CNTN5: variants seen among roughly 807,000 people sequenced by gnomAD.
The protein encoded by CNTN5 is contactin 5.
A neutral mutation model predicts 129.1 loss-of-function variants in CNTN5; 77 were observed. The ratio of observed to expected loss-of-function variants is 0.60; its 90% confidence interval spans 0.50 to 0.72. CNTN5 has a LOEUF of 0.72. Among genes scored for constraint, CNTN5 ranks in the 30% least tolerant of loss-of-function variants. The probability of loss-of-function intolerance (pLI) is 0.00; values close to 1 mark genes in which losing one functional copy is unlikely to be tolerated. For synonymous variants in CNTN5, 509 were observed against 465.6 expected, an observed-to-expected ratio of 1.09 and a Z score of -1.20; for missense variants, 1,478 against 1,328.8, an observed-to-expected ratio of 1.11 and a Z score of -1.75.
chr11:99,476,911 C>T (rs10893389), intron 2 of CNTN5, among the ~76,000 whole-genome samples: 33,982 of 151,642 alleles, frequency 0.22, 4,043 homozygotes, highest in Admixed American at 0.33. Flanking sequence ...TATCTCTTCC[C>T]GTTTCCTAAG....
chr11:100,093,514 A>G (rs1565233623), intron 13 of CNTN5, among the ~76,000 whole-genome samples: 1 of 151,904 alleles, frequency 6.6e-6, no homozygotes, highest in African/African-American at 2.4e-5. Context: ...TGGTTCTCCC[A>G]CTTCAACCTC....
chr11:99,761,463 T>C (rs1160739001), intron 3 of CNTN5, among the ~76,000 whole-genome samples: 1 of 151,998 alleles, frequency 6.6e-6, no homozygotes, highest in Non-Finnish European at 1.5e-5. Flanking sequence ...CCCCTTCGTG[T>C]GTCCATGTGG....
chr11:99,851,277 G>A (rs1947865755), intron 6 of CNTN5, among the ~76,000 whole-genome samples: 1 of 152,088 alleles, frequency 6.6e-6, no homozygotes, highest in East Asian at 1.9e-4. Context: ...TAATGAACTG[G>A]TTTTTAAGGT....
At chr11:99,510,240 T>C (rs1204460736) in intron 2 of CNTN5, among the ~76,000 whole-genome samples, 3 of 152,006 alleles carry the variant, frequency 2.0e-5, no homozygotes, top group Non-Finnish European at 4.4e-5. Flanking sequence ...TACAACCAAG[T>C]AAATGAAACA....
Position 100,193,570 on chromosome 11 carries a change from C to T in CNTN5, c.1791C>T (p.His597=), listed in dbSNP as rs200842353. 34 of 1,611,008 alleles carry T rather than the reference C, an allele frequency of 2.1e-5. No individual in the cohort carries two copies. In the South Asian group the frequency reaches 2.3e-4, roughly 11 times the overall value. The change falls in exon 15 of 25, where the codon CAC becomes CAT. Residue 597 remains histidine (H), a synonymous_variant. Coordinates refer to ENST00000524871, the MANE Select transcript of CNTN5 (RefSeq NM_014361.4). ...TTGTCCTTAATTGCAAAGCAATTCA[C>T]GATGCTAGTTTGGATGTCACTTTCT... ...ESIVLNCKAI[H]DASLDVTFYW...
chr11:99,066,184 AC>A (rs1865095181), intron 1 of CNTN5, among the ~76,000 whole-genome samples: 1 of 152,130 alleles, frequency 6.6e-6, no homozygotes, highest in South Asian at 2.1e-4. Flanking sequence ...GCTCACTGCA[AC>A]CTTCGCCTCC....
chr11:99,861,272 T>C (rs1948199297), intron 6 of CNTN5, among the ~76,000 whole-genome samples: 1 of 152,162 alleles, frequency 6.6e-6, no homozygotes, highest in South Asian at 2.1e-4. Context: ...TTTGTTTATG[T>C]CATCTGGAGA....
intron 15 of CNTN5, among the ~76,000 whole-genome samples, chr11:100,207,864 A>G (rs1948948406): frequency 6.6e-6 from 1 of 152,188 alleles, no homozygotes; most frequent in Non-Finnish European, 1.5e-5. Context: ...TCAATATCAT[A>G]TGACAATATC....
chr11:99,350,796 C>T (rs1213785913), intron 2 of CNTN5, among the ~76,000 whole-genome samples: 3 of 151,974 alleles, frequency 2.0e-5, no homozygotes, highest in Admixed American at 1.3e-4. Flanking sequence ...TAGTGGCAAT[C>T]TCTGAGGATT....
chr11:100,283,822 T>A (rs1950699714), intron 18 of CNTN5, among the ~76,000 whole-genome samples: 1 of 152,070 alleles, frequency 6.6e-6, no homozygotes, highest in Non-Finnish European at 1.5e-5. Context: ...AGCGGGCACC[T>A]GTAATCCCAG....
intron 1 of CNTN5, among the ~76,000 whole-genome samples, chr11:99,028,357 A>G (rs1240938758): frequency 6.6e-6 from 1 of 151,936 alleles, no homozygotes; most frequent in Non-Finnish European, 1.5e-5. Context: ...AAGAGAATAA[A>G]TAGTTCAAAC....
chr11:99,690,547 T>A (rs1289292657), intron 3 of CNTN5, among the ~76,000 whole-genome samples: 1 of 152,064 alleles, frequency 6.6e-6, no homozygotes, highest in Non-Finnish European at 1.5e-5. Context: ...ATTTAATCTC[T>A]AAATTGCTTT....
chr11:99,167,212 G>A (rs1860915267), intron 1 of CNTN5, among the ~76,000 whole-genome samples: 1 of 151,876 alleles, frequency 6.6e-6, no homozygotes, highest in Non-Finnish European at 1.5e-5. Flanking sequence ...GTTCTCTGTG[G>A]TTCTGCTGTT....
At chr11:99,778,854 T>C (rs1273273465) in intron 3 of CNTN5, among the ~76,000 whole-genome samples, 1 of 87,658 alleles carries the variant, frequency 1.1e-5, no homozygotes, top group African/African-American at 3.4e-5. Context: ...AATTTTTCTC[T>C]ATTTGTGTTA....
At chr11:99,597,666 T>C (rs929009141) in intron 3 of CNTN5, among the ~76,000 whole-genome samples, 1 of 152,180 alleles carries the variant, frequency 6.6e-6, no homozygotes, top group Non-Finnish European at 1.5e-5. Flanking sequence ...TTATACTAAC[T>C]CTTTTGTGTT....
At chr11:100,035,260 A>G (rs1034550864) in intron 9 of CNTN5, among the ~76,000 whole-genome samples, 3 of 151,086 alleles carry the variant, frequency 2.0e-5, no homozygotes, top group South Asian at 2.1e-4. Flanking sequence ...GAGAATGATG[A>G]TTTCCAATTT....
At chr11:99,662,052 A>G (rs753592562) in intron 3 of CNTN5, among the ~76,000 whole-genome samples, 52 of 152,172 alleles carry the variant, frequency 3.4e-4, no homozygotes, top group Non-Finnish European at 5.7e-4. Context: ...GAATTATCCA[A>G]GTTTTTCAAT....
intron 3 of CNTN5, among the ~76,000 whole-genome samples, chr11:99,620,576 A>C (rs1461228655): frequency 6.6e-6 from 1 of 150,680 alleles, no homozygotes; most frequent in Non-Finnish European, 1.5e-5. Flanking sequence ...GCTATGCCTA[A>C]AATAGTTAAC....
chr11:100,060,725 C>A (rs61908083), intron 9 of CNTN5, among the ~76,000 whole-genome samples: 2 of 150,060 alleles, frequency 1.3e-5, no homozygotes, highest in South Asian at 4.2e-4. Context: ...CTGCAACCTC[C>A]GCTTTCCGGT....
Sources: gnomAD v4.1 joint callset for allele counts (sites outside exome capture counted in the v4.1 genomes callset) on GRCh38, gnomAD v4.1.1 for gene constraint, MANE v1.5 for transcripts, NCBI Gene and HGNC (gene_info 2026-07-23, HGNC 2026-07-21) for gene names.